The following DYNC1I1 variants were observed in gnomAD, a reference collection of about 807,000 sequenced individuals.
The protein encoded by DYNC1I1 is dynein cytoplasmic 1 intermediate chain 1.
A neutral mutation model predicts 86.6 loss-of-function variants in DYNC1I1; 43 were observed. The ratio of observed to expected loss-of-function variants is 0.50; its 90% CI spans 0.39 to 0.64. The LOEUF is 0.64. DYNC1I1 is among the 30% of genes least tolerant of loss of function. The pLI, the probability that DYNC1I1 is intolerant of heterozygous loss-of-function variation, is 0.00. For missense variants in DYNC1I1, 604 were observed against 788.8 expected (o/e 0.77, Z 2.81); for synonymous variants, 262 against 283.7 (o/e 0.92, Z 0.77).
chr7:95,774,312 A>G lies in DYNC1I1; in HGVS notation c.-10+1539A>G, dbSNP rs773444799. ...TTGTCTTCCTTGTCTCAGGCCTCAG[A>G]TACAAATGCACTTGCTTCCTCCTTC... On this transcript the variant is annotated intron_variant, in intron 1 of 16. Transcript: ENST00000447467. Among the ~76,000 whole-genome samples, 71 of 145,916 alleles carry G rather than the reference A, an allele frequency of 4.9e-4. 1 individual carries two copies. Among genetic ancestry groups the G allele is most frequent in the Non-Finnish European group, 4.6e-5 (3 of 65,526 alleles).
intron 5 of DYNC1I1, among the ~76,000 whole-genome samples, chr7:95,834,865 T>C (rs1789030866): frequency 6.6e-6 from 1 of 151,384 alleles, no homozygotes; most frequent in Non-Finnish European, 1.5e-5. Context: ...TCTCTCTTTT[T>C]TTCTTTATTA....
chr7:96,055,721 G>T (rs1485976772), intron 14 of DYNC1I1: 1 of 151,982 alleles, frequency 6.6e-6, no homozygotes, highest in African/African-American at 2.4e-5. Flanking sequence ...TGTTGTAAAA[G>T]AAATATTGAA....
At chr7:95,971,055 A>T (rs1435057897) in intron 6 of DYNC1I1, among the ~76,000 whole-genome samples, 2 of 151,946 alleles carry the variant, frequency 1.3e-5, no homozygotes, top group African/African-American at 4.9e-5. Flanking sequence ...GGGATTCCAT[A>T]TGAACAGTGG....
chr7:95,808,266 A>C (rs970561499), intron 2 of DYNC1I1, among the ~76,000 whole-genome samples: 8 of 152,182 alleles, frequency 5.3e-5, no homozygotes, highest in Non-Finnish European at 1.0e-4. Flanking sequence ...TAAAACAAAT[A>C]AATTTAACAT....
At chr7:96,072,120 T>C (rs1584297997) in intron 14 of DYNC1I1, among the ~76,000 whole-genome samples, 1 of 152,222 alleles carries the variant, frequency 6.6e-6, no homozygotes, top group African/African-American at 2.4e-5. Context: ...AATGTACATA[T>C]AGAGTCAGGC....
chr7:95,841,761 C>T (rs967798519), intron 5 of DYNC1I1, among the ~76,000 whole-genome samples: 10 of 152,316 alleles, frequency 6.6e-5, no homozygotes, highest in Non-Finnish European at 1.5e-4. Flanking sequence ...CAGATACAGG[C>T]TTGTTATAAG....
chr7:96,097,234 A>G (rs1563004524), intron 16 of DYNC1I1, among the ~76,000 whole-genome samples: 2 of 152,178 alleles, frequency 1.3e-5, no homozygotes, highest in South Asian at 2.1e-4. Flanking sequence ...TATAGTTTGC[A>G]TAGGTTTTTA....
At chr7:95,817,444 C>G in intron 4 of DYNC1I1, among the ~76,000 whole-genome samples, 1 of 152,090 alleles carries the variant, frequency 6.6e-6, no homozygotes, top group Non-Finnish European at 1.5e-5. Context: ...CAACCTACCC[C>G]ATAAGGTTAT....
At chr7:96,091,859 T>C (rs1353249688) in intron 16 of DYNC1I1, among the ~76,000 whole-genome samples, 2 of 152,050 alleles carry the variant, frequency 1.3e-5, no homozygotes, top group African/African-American at 2.4e-5. Context: ...TAGGTAAAAA[T>C]GAAGAATCCC....
chr7:95,884,781 G>GA (rs994929271), intron 6 of DYNC1I1, among the ~76,000 whole-genome samples: 4 of 97,802 alleles, frequency 4.1e-5, no homozygotes, highest in Admixed American at 1.1e-4. Flanking sequence ...CGAAAAGGAA[G>GA]AAAAAAAAAG....
chr7:95,851,416 T>C (rs1285293704), intron 5 of DYNC1I1, among the ~76,000 whole-genome samples: 1 of 152,146 alleles, frequency 6.6e-6, no homozygotes, highest in African/African-American at 2.4e-5. Context: ...TTATGAATTG[T>C]TTATTTCTGG....
At chr7:95,857,674 T>C (rs1281675485) in intron 5 of DYNC1I1, among the ~76,000 whole-genome samples, 1 of 152,230 alleles carries the variant, frequency 6.6e-6, no homozygotes, top group African/African-American at 2.4e-5. Flanking sequence ...TTAGCCTTTT[T>C]ATGGATGTAA....
At chr7:95,841,849 C>G (rs1176940497) in intron 5 of DYNC1I1, among the ~76,000 whole-genome samples, 1 of 152,166 alleles carries the variant, frequency 6.6e-6, no homozygotes, top group African/African-American at 2.4e-5. Flanking sequence ...AAGCTAGGAG[C>G]TGAGCTTTGT....
At chr7:95,933,413 C>A (rs1456173580) in intron 6 of DYNC1I1, among the ~76,000 whole-genome samples, 1 of 152,086 alleles carries the variant, frequency 6.6e-6, no homozygotes, top group Non-Finnish European at 1.5e-5. Flanking sequence ...CAGATGAAGC[C>A]ATTTTAGCCA....
chr7:95,908,500 TG>T (rs1791235138), intron 6 of DYNC1I1, among the ~76,000 whole-genome samples: 1 of 152,212 alleles, frequency 6.6e-6, no homozygotes, highest in African/African-American at 2.4e-5. Context: ...GAATGACTCA[TG>T]ATGCTCATAA....
At chr7:95,789,333 A>G (rs1794233051) in intron 1 of DYNC1I1, among the ~76,000 whole-genome samples, 1 of 152,330 alleles carries the variant, frequency 6.6e-6, no homozygotes, top group East Asian at 1.9e-4. Flanking sequence ...TTGTGTTGAC[A>G]TGGTCTGCAG....
chr7:95,962,947 AGTG>A (rs1792911181), intron 6 of DYNC1I1, among the ~76,000 whole-genome samples: 1 of 152,180 alleles, frequency 6.6e-6, no homozygotes, highest in Non-Finnish European at 1.5e-5. Flanking sequence ...AACAGAGTTG[AGTG>A]GATCAAATAG....
chr7:96,037,614 A>G (rs1794958837), intron 13 of DYNC1I1, among the ~76,000 whole-genome samples: 1 of 152,210 alleles, frequency 6.6e-6, no homozygotes, highest in Non-Finnish European at 1.5e-5. Context: ...AAGGCTATAG[A>G]ATACATTCAT....
intron 10 of DYNC1I1, among the ~76,000 whole-genome samples, chr7:96,006,744 AT>A (rs1184462792): frequency 2.0e-5 from 3 of 152,208 alleles, no homozygotes; most frequent in Non-Finnish European, 2.9e-5. Context: ...CTTTGTGCAA[AT>A]AGAAATTTTC....
Sources: allele counts gnomAD v4.1 joint callset (sites outside exome capture counted in the v4.1 genomes callset), GRCh38; gene constraint gnomAD v4.1.1; transcripts MANE v1.5; gene names NCBI Gene and HGNC (gene_info 2026-07-23, HGNC 2026-07-21).